XRRA1: variants seen among roughly 807,000 people sequenced by gnomAD.
XRRA1 encodes X-ray radiation resistance associated 1.
A neutral mutation model predicts 80.2 loss-of-function variants in XRRA1; 69 were observed. The ratio of observed to expected loss-of-function variants is 0.86; its 90% CI spans 0.71 to 1.05. The LOEUF is 1.05. Among genes scored for constraint, XRRA1 ranks in the 50% least tolerant of loss-of-function variants. The pLI, the probability that XRRA1 is intolerant of heterozygous loss-of-function variation, is 0.00. For missense variants in XRRA1, 967 were observed against 976.4 expected, an observed-to-expected ratio of 0.99 and a Z score of 0.13; for synonymous variants, 348 against 389.9, an observed-to-expected ratio of 0.89 and a Z score of 1.27.
At chr11:74,852,134 C>T (rs557010571) in intron 12 of XRRA1, 52 bp from the exon 13 acceptor site, 3 of 1,482,110 alleles carry the variant, frequency 2.0e-6, no homozygotes, top group East Asian at 2.3e-5. Context: ...CTCACCTCTA[C>T]CCAGGTATGT....
chr11:74,927,390 C>T lies in XRRA1; in HGVS notation c.522+1G>A, dbSNP rs1363727612. On this transcript the variant is annotated splice_donor_variant, in intron 7 of 18. Coordinates refer to ENST00000684022, the MANE Select transcript of XRRA1 (RefSeq NM_001378157.1). LOFTEE classifies it high-confidence loss of function. ...CCAAAAACTCCCTACCTCCAACTTA[C>T]TTCTAATAACTTAAAGTCTCCATAT... 6.3e-7 allele frequency: 1 copy of T among 1,599,000 alleles called. No individual in the cohort carries two copies. The highest frequency in any genetic ancestry group is 2.2e-5 in the East Asian group (1 of 44,834).
chr11:74,861,445 G>A (rs1047186451), intron 11 of XRRA1, among the ~76,000 whole-genome samples: 1 of 152,170 alleles, frequency 6.6e-6, no homozygotes, highest in Admixed American at 6.5e-5. Flanking sequence ...AGGGATCTAG[G>A]TTGTGTGCTC....
At chr11:74,940,728 G>A in intron 3 of XRRA1, 57 bp downstream of exon 3, 1 of 1,387,964 alleles carries the variant, frequency 7.2e-7, no homozygotes, top group Non-Finnish European at 1.0e-6. Context: ...GATGTGAGAT[G>A]GTCTAAAGCA....
intron 15 of XRRA1, among the ~76,000 whole-genome samples, chr11:74,845,681 A>G (rs191513270): frequency 3.2e-4 from 49 of 152,308 alleles, no homozygotes; most frequent in Admixed American, 2.4e-3. Context: ...ATTTTCGGGG[A>G]ACTAAAGATT....
intron 2 of XRRA1, among the ~76,000 whole-genome samples, chr11:74,942,237 G>A (rs1946471124): frequency 6.6e-6 from 1 of 152,158 alleles, no homozygotes; most frequent in Non-Finnish European, 1.5e-5. Flanking sequence ...CTCTATGAAA[G>A]AGGCAGGGAA....
Position 74,907,275 on chromosome 11 carries a change from T to G in XRRA1, c.657-2A>C. ...GTCAGCGATGTTACAGATGCCTCCC[T>G]GTGAGTGCAAAGATCTTGGGTAATG... On this transcript the variant is annotated splice_acceptor_variant, in intron 8 of 18. Coordinates refer to ENST00000684022, the MANE Select transcript of XRRA1 (RefSeq NM_001378157.1). LOFTEE classifies it high-confidence loss of function. The G allele has an allele frequency of 6.2e-7, 1 of 1,613,784 alleles. No individual in the cohort carries two copies. The highest frequency in any genetic ancestry group is 8.5e-7 in the Non-Finnish European group (1 of 1,179,770).
chr11:74,878,822 T>C (rs1001230570), intron 10 of XRRA1, among the ~76,000 whole-genome samples: 1 of 151,862 alleles, frequency 6.6e-6, no homozygotes, highest in African/African-American at 2.4e-5. Flanking sequence ...CATTGGTCTA[T>C]ATCTCTGTTT....
chr11:74,907,063 T>G (rs1348216461), intron 9 of XRRA1, 82 bp downstream of exon 9: 1 of 1,572,500 alleles, frequency 6.4e-7, no homozygotes, highest in Non-Finnish European at 8.6e-7. Context: ...ACCCAAACCT[T>G]TTGGCTTCCA....
At chr11:74,915,092 G>A (rs1223905022) in intron 8 of XRRA1, among the ~76,000 whole-genome samples, 4 of 152,196 alleles carry the variant, frequency 2.6e-5, no homozygotes, top group Non-Finnish European at 5.9e-5. Context: ...CCACACAGGA[G>A]TGACCAAAAA....
chr11:74,841,282 G>T lies in XRRA1; in HGVS notation c.*1918C>A, dbSNP rs915191977. On this transcript the variant is annotated 3_prime_UTR_variant, in exon 19 of 19. Transcript: ENST00000684022. ...TACCTGGTTATGAATTCTCAAAAGA[G>T]AAAGCAGGTCTGGGGCGGGGTGGTC... 2 of 152,204 alleles carry T rather than the reference G, an allele frequency of 1.3e-5. No homozygotes were observed. Among genetic ancestry groups the T allele is most frequent in the African/African-American group, 2.4e-5 (1 of 41,448 alleles). 9.4% of individuals were successfully genotyped at this position (152,204 alleles called of 1,614,324 possible).
chr11:74,879,922 T>TTCTCTGTG (rs1474428423), intron 10 of XRRA1, among the ~76,000 whole-genome samples: 1 of 152,042 alleles, frequency 6.6e-6, no homozygotes, highest in East Asian at 1.9e-4. Flanking sequence ...GGGTCTAAAA[T>TTCTCTGTG]TCTCTTTTTT....
chr11:74,916,518 GTCTA>G (rs989781788), intron 8 of XRRA1, among the ~76,000 whole-genome samples: 4 of 151,864 alleles, frequency 2.6e-5, no homozygotes, highest in Non-Finnish European at 5.9e-5. Flanking sequence ...TTTTTAGGTT[GTCTA>G]TCTCTTTGTT....
At chr11:74,920,741 A>C (rs901765079) in intron 8 of XRRA1, among the ~76,000 whole-genome samples, 39 of 152,354 alleles carry the variant, frequency 2.6e-4, no homozygotes, top group Non-Finnish European at 3.2e-4. Flanking sequence ...GACCTACCTC[A>C]CAGAGCTGTT....
At chr11:74,936,611 C>T (rs993426262) in intron 4 of XRRA1, among the ~76,000 whole-genome samples, 8 of 152,250 alleles carry the variant, frequency 5.3e-5, no homozygotes, top group Non-Finnish European at 1.0e-4. Context: ...CCAAGGCAAA[C>T]TACTTCTTGG....
intron 8 of XRRA1, chr11:74,920,006 C>CAAAA (rs55989441): frequency 2.3e-5 from 3 of 128,288 alleles, no homozygotes; most frequent in African/African-American, 5.9e-5. Context: ...TATAAAACTG[C>CAAAA]AAAAAAAAAA....
chr11:74,845,753 G>T (rs1302356045), intron 15 of XRRA1, among the ~76,000 whole-genome samples: 1 of 152,236 alleles, frequency 6.6e-6, no homozygotes. Flanking sequence ...ACCCGGATCG[G>T]TAAGGACCAT....
chr11:74,903,031 A>G (rs1201079660), intron 10 of XRRA1, among the ~76,000 whole-genome samples: 1 of 152,246 alleles, frequency 6.6e-6, no homozygotes, highest in East Asian at 1.9e-4. Flanking sequence ...ATATCACTTT[A>G]CACCTACCCA....
At chr11:74,850,408 G>A (rs1438183426) in intron 14 of XRRA1, among the ~76,000 whole-genome samples, 2 of 152,214 alleles carry the variant, frequency 1.3e-5, no homozygotes, top group Non-Finnish European at 2.9e-5. Flanking sequence ...TGCTTGTCCA[G>A]TCCTCTGAGG....
chr11:74,844,484 C>T (rs999538404), intron 16 of XRRA1, among the ~76,000 whole-genome samples: 2 of 152,052 alleles, frequency 1.3e-5, no homozygotes, highest in African/African-American at 4.8e-5. Flanking sequence ...AGTATTTGTC[C>T]CATATTATAA....
Sources: gnomAD v4.1 joint callset for allele counts (sites outside exome capture counted in the v4.1 genomes callset) on GRCh38, gnomAD v4.1.1 for gene constraint, MANE v1.5 for transcripts, NCBI Gene and HGNC (gene_info 2026-07-23, HGNC 2026-07-21) for gene names.